The following PGGT1B variants were observed in gnomAD, a reference collection of about 807,000 sequenced individuals.
The protein encoded by PGGT1B is protein geranylgeranyltransferase type I subunit beta, also known as geranylgeranyl transferase type-1 subunit beta.
Under a neutral mutation model 46.1 loss-of-function variants are expected in PGGT1B, and 30 were observed. The ratio of observed to expected loss-of-function variants is 0.65; its 90% CI spans 0.49 to 0.88. The LOEUF (loss-of-function observed/expected upper bound fraction) is 0.88. Among genes scored for constraint, PGGT1B ranks in the 40% least tolerant of loss-of-function variants. The probability of loss-of-function intolerance (pLI) is 0.00; values close to 1 mark genes in which losing one functional copy is unlikely to be tolerated. For synonymous variants in PGGT1B, 170 were observed against 160.0 expected (o/e 1.06, Z -0.47); for missense variants, 376 against 455.9 (o/e 0.82, Z 1.60).
chr5:115,219,710 T>C (rs1756529401), intron 7 of PGGT1B, among the ~76,000 whole-genome samples: 1 of 151,796 alleles, frequency 6.6e-6, no homozygotes, highest in Non-Finnish European at 1.5e-5. Context: ...AAGGGATTAA[T>C]ATCCAGAATA....
chr5:115,225,340 T>C (rs1467697510), intron 6 of PGGT1B, among the ~76,000 whole-genome samples: 3 of 152,224 alleles, frequency 2.0e-5, no homozygotes, highest in African/African-American at 7.2e-5. Flanking sequence ...AGAGACTCTC[T>C]CTTAACCTAC....
intron 3 of PGGT1B, among the ~76,000 whole-genome samples, chr5:115,239,825 T>G (rs1221523152): frequency 6.6e-6 from 1 of 152,156 alleles, no homozygotes; most frequent in Non-Finnish European, 1.5e-5. Context: ...AGCATGGGAT[T>G]TGTGAAAGGA....
At chr5:115,221,246 C>T (rs1756577378) in intron 7 of PGGT1B, among the ~76,000 whole-genome samples, 1 of 151,820 alleles carries the variant, frequency 6.6e-6, no homozygotes, top group African/African-American at 2.4e-5. Flanking sequence ...GAAAAGGCAA[C>T]TTTAAGACAG....
chr5:115,259,722 A>T (rs1295355023), intron 1 of PGGT1B, among the ~76,000 whole-genome samples: 3 of 149,954 alleles, frequency 2.0e-5, no homozygotes, highest in Non-Finnish European at 4.4e-5. Flanking sequence ...ATAAGGGAGG[A>T]AACGAAAGAA....
intron 3 of PGGT1B, among the ~76,000 whole-genome samples, chr5:115,241,150 T>C (rs1757333727): frequency 6.6e-6 from 1 of 152,216 alleles, no homozygotes; most frequent in Non-Finnish European, 1.5e-5. Context: ...AGAGTCTTTC[T>C]ATAAACACAA....
rs1035912893 is a variant in PGGT1B at position 115,204,115 on chromosome 5, T to A, written c.*8287A>T. On this transcript the variant is annotated 3_prime_UTR_variant, in exon 9 of 9. Coordinates refer to ENST00000419445, the MANE Select transcript of PGGT1B (RefSeq NM_005023.4). ...TAGGAGTAAAGATCACATTGTTGAATTATAAAGAGCTTACTGTTAAGAATC... is the reference window on the plus strand; with the variant it reads ...TAGGAGTAAAGATCACATTGTTGAAATATAAAGAGCTTACTGTTAAGAATC... The A allele has an allele frequency of 2.6e-5, 4 of 152,180 alleles. No individual in the cohort carries two copies. Among genetic ancestry groups the A allele is most frequent in the African/African-American group, 9.7e-5 (4 of 41,442 alleles). The allele number at this position is 152,180 out of a possible 1,614,324, so 9.4% of individuals were successfully genotyped here. A position where few individuals can be genotyped will look rare whatever the true frequency, so the allele number is the denominator to read the frequency against.
intron 1 of PGGT1B, among the ~76,000 whole-genome samples, chr5:115,261,052 T>C (rs1441469986): frequency 6.6e-6 from 1 of 152,242 alleles, no homozygotes; most frequent in Admixed American, 6.5e-5. Flanking sequence ...CTAAGCAGTG[T>C]ATGTATACGA....
chr5:115,251,748 C>T lies in PGGT1B; in HGVS notation c.259+1389G>A, dbSNP rs569757341. On this transcript the variant is annotated intron_variant, in intron 2 of 8. Transcript: ENST00000419445. Reference sequence around the variant, plus strand: ...CGGCAAGAACTTAGGGAATAGCTTTCGTATGTGCCACAGTGTGTATATGAT... The same window carrying T: ...CGGCAAGAACTTAGGGAATAGCTTTTGTATGTGCCACAGTGTGTATATGAT... Among the ~76,000 whole-genome samples, 11 of 151,846 alleles carry T rather than the reference C, an allele frequency of 7.2e-5. No individual in the cohort carries two copies. The South Asian group carries it at 2.3e-3, about 32-fold the overall frequency.
chr5:115,244,754 C>A (rs1224801404), intron 2 of PGGT1B, among the ~76,000 whole-genome samples: 2 of 151,732 alleles, frequency 1.3e-5, no homozygotes, highest in Admixed American at 1.3e-4. Flanking sequence ...CCACGCCCAG[C>A]TAATTTTTGT....
rs564480991 is a variant in PGGT1B, at chr5:115,206,220, T to C, written c.*6182A>G. 6.6e-6 allele frequency: 1 copy of C among 152,050 alleles called. No homozygotes were observed. Among genetic ancestry groups the C allele is most frequent in the African/African-American group, 2.4e-5 (1 of 41,566 alleles). The allele number at this position is 152,050 out of a possible 1,614,324, so 9.4% of individuals were successfully genotyped here. On this transcript the variant is annotated 3_prime_UTR_variant, in exon 9 of 9. Transcript: ENST00000419445. ...AGAATATTCTCTATTTCTATATCTC[T>C]ATATACAGAGATTAAAGGTCTGAAA...
chr5:115,259,865 C>G (rs1314792528), intron 1 of PGGT1B, among the ~76,000 whole-genome samples: 3 of 152,024 alleles, frequency 2.0e-5, no homozygotes, highest in African/African-American at 4.8e-5. Flanking sequence ...ACTGCCTAAA[C>G]CCTTCTTCTA....
chr5:115,213,309 A>G (rs1167532281), intron 8 of PGGT1B, among the ~76,000 whole-genome samples: 1 of 152,214 alleles, frequency 6.6e-6, no homozygotes, highest in African/African-American at 2.4e-5. Context: ...CTCTTCTATT[A>G]AAGTGGCCAA....
intron 2 of PGGT1B, among the ~76,000 whole-genome samples, chr5:115,250,586 G>A (rs919149523): frequency 6.6e-6 from 1 of 152,106 alleles, no homozygotes; most frequent in Non-Finnish European, 1.5e-5. Flanking sequence ...CAGTTTAATG[G>A]GAAAGAAAAT....
intron 1 of PGGT1B, among the ~76,000 whole-genome samples, chr5:115,254,400 C>T (rs761852526): frequency 7.9e-5 from 12 of 151,928 alleles, no homozygotes; most frequent in Non-Finnish European, 1.5e-4. Flanking sequence ...ATCTTACACA[C>T]GAAGCTTATT....
chr5:115,218,751 G>A (rs1044289257), intron 7 of PGGT1B, among the ~76,000 whole-genome samples: 1 of 151,758 alleles, frequency 6.6e-6, no homozygotes, highest in Non-Finnish European at 1.5e-5. Flanking sequence ...TTTAAGCAAT[G>A]ATCCTTAATG....
intron 2 of PGGT1B, among the ~76,000 whole-genome samples, chr5:115,249,996 A>G (rs902465007): frequency 2.0e-5 from 3 of 152,182 alleles, no homozygotes; most frequent in Non-Finnish European, 4.4e-5. Flanking sequence ...GTCATTTTCT[A>G]AAGGACAATG....
At chr5:115,216,799 G>T in intron 8 of PGGT1B, 66 bp downstream of exon 8, 1 of 818,108 alleles carries the variant, frequency 1.2e-6, no homozygotes. Flanking sequence ...TGCCTTTTCT[G>T]ATAAAGATGC....
rs541441860 is a variant in PGGT1B, at chr5:115,211,371, T to C, written c.*1031A>G. On this transcript the variant is annotated 3_prime_UTR_variant, in exon 9 of 9. Transcript: ENST00000419445. ...TTTCCCTTTCACTTACCTGAAAATATGAGAATAAAAATGACCATGTATTGA... is the reference window on the plus strand; with the variant it reads ...TTTCCCTTTCACTTACCTGAAAATACGAGAATAAAAATGACCATGTATTGA... 1 of 152,044 alleles carries C rather than the reference T, an allele frequency of 6.6e-6. No homozygotes were observed. Among genetic ancestry groups the C allele is most frequent in the Non-Finnish European group, 1.5e-5 (1 of 67,902 alleles). 9.4% of individuals were successfully genotyped at this position (152,044 alleles called of 1,614,324 possible). A position where few individuals can be genotyped will look rare whatever the true frequency, so the allele number is the denominator to read the frequency against.
intron 2 of PGGT1B, among the ~76,000 whole-genome samples, chr5:115,252,507 T>G (rs912958969): frequency 6.6e-6 from 1 of 152,030 alleles, no homozygotes; most frequent in African/African-American, 2.4e-5. Context: ...TTAGAATTTA[T>G]AACATGTATA....
Sources: allele counts gnomAD v4.1 joint callset (sites outside exome capture counted in the v4.1 genomes callset), GRCh38; gene constraint gnomAD v4.1.1; transcripts MANE v1.5; gene names NCBI Gene and HGNC (gene_info 2026-07-23, HGNC 2026-07-21).